Variants in VAV3 observed in about 807,000 individuals in gnomAD.
The protein encoded by VAV3 is vav guanine nucleotide exchange factor 3.
A neutral mutation model predicts 131.2 loss-of-function variants in VAV3; 94 were observed. The observed-to-expected ratio is 0.72, with a 90% CI of 0.61 to 0.85. The LOEUF (loss-of-function observed/expected upper bound fraction) is 0.85, where lower values mean the gene tolerates loss of function less well. Among genes scored for constraint, VAV3 ranks in the 40% least tolerant of loss-of-function variants. The probability of loss-of-function intolerance (pLI) is 0.00; values close to 1 mark genes in which losing one functional copy is unlikely to be tolerated. For missense variants in VAV3, 939 were observed against 1,002.7 expected (o/e 0.94, Z 0.86); for synonymous variants, 349 against 342.0 (o/e 1.02, Z -0.22).
chr1:107,786,718 G>T (rs776661923), intron 2 of VAV3, among the ~76,000 whole-genome samples: 1 of 152,084 alleles, frequency 6.6e-6, no homozygotes, highest in Non-Finnish European at 1.5e-5. Flanking sequence ...TCTAAGAAAG[G>T]ATAGTACACA....
At chr1:107,860,769 A>T (rs953753352) in intron 2 of VAV3, among the ~76,000 whole-genome samples, 1 of 151,780 alleles carries the variant, frequency 6.6e-6, no homozygotes, top group East Asian at 1.9e-4. Flanking sequence ...AGTGGCGTGC[A>T]CTTGCAGTCC....
At chr1:107,911,971 G>A (rs1290847765) in intron 1 of VAV3, among the ~76,000 whole-genome samples, 1 of 152,204 alleles carries the variant, frequency 6.6e-6, no homozygotes, top group African/African-American at 2.4e-5. Flanking sequence ...GTGCCATGAT[G>A]TAGTAATGAC....
intron 2 of VAV3, among the ~76,000 whole-genome samples, chr1:107,822,848 C>A (rs1381670098): frequency 6.6e-6 from 1 of 152,062 alleles, no homozygotes. Context: ...ACATACCAGG[C>A]ACTTTTCTAG....
At chr1:107,788,649 G>T (rs1666138474) in intron 2 of VAV3, among the ~76,000 whole-genome samples, 1 of 152,080 alleles carries the variant, frequency 6.6e-6, no homozygotes, top group Non-Finnish European at 1.5e-5. Context: ...ATAAAACCTG[G>T]AACTCATCCA....
intron 1 of VAV3, among the ~76,000 whole-genome samples, chr1:107,915,174 G>A (rs1672548832): frequency 6.6e-6 from 1 of 152,124 alleles, no homozygotes; most frequent in South Asian, 2.1e-4. Context: ...CCAAAATGTA[G>A]ACTAGTCAGT....
chr1:107,772,656 T>C, intron 5 of VAV3, 79 bp downstream of exon 5: 5 of 1,224,336 alleles, frequency 4.1e-6, no homozygotes, highest in Non-Finnish European at 5.8e-6. Context: ...TCCCAGCAGA[T>C]GTTACATAAA....
chr1:107,886,034 GA>G (rs1422179376), intron 1 of VAV3, among the ~76,000 whole-genome samples: 3 of 152,170 alleles, frequency 2.0e-5, no homozygotes, highest in Non-Finnish European at 4.4e-5. Flanking sequence ...AAGGTCATGA[GA>G]AACAGTATGG....
chr1:107,889,920 A>G (rs1671234145), intron 1 of VAV3, among the ~76,000 whole-genome samples: 1 of 152,232 alleles, frequency 6.6e-6, no homozygotes, highest in South Asian at 2.1e-4. Flanking sequence ...GTCTCAAAGA[A>G]GTAAGACTAA....
intron 17 of VAV3, among the ~76,000 whole-genome samples, chr1:107,698,688 C>T (rs1442543796): frequency 6.6e-6 from 1 of 152,040 alleles, no homozygotes; most frequent in East Asian, 1.9e-4. Context: ...TCTCACACTG[C>T]CAGGAAGAAA....
chr1:107,635,510 A>G (rs1395094115), intron 20 of VAV3, among the ~76,000 whole-genome samples: 4 of 151,624 alleles, frequency 2.6e-5, no homozygotes. Context: ...TAGGAAATAC[A>G]CCTAATGTTA....
intron 15 of VAV3, among the ~76,000 whole-genome samples, chr1:107,706,527 A>G (rs1027129590): frequency 6.6e-6 from 1 of 152,190 alleles, no homozygotes; most frequent in Non-Finnish European, 1.5e-5. Context: ...AGAATTATGG[A>G]CATTTCCATG....
chr1:107,930,650 G>T (rs1215311152), intron 1 of VAV3, among the ~76,000 whole-genome samples: 2 of 152,014 alleles, frequency 1.3e-5, no homozygotes, highest in African/African-American at 4.8e-5. Context: ...CCACCATTTT[G>T]CAAGTCCTAA....
chr1:107,822,468 C>T (rs575853197), intron 2 of VAV3, among the ~76,000 whole-genome samples: 1 of 152,040 alleles, frequency 6.6e-6, no homozygotes, highest in Non-Finnish European at 1.5e-5. Flanking sequence ...TCCTGGCTAA[C>T]ATGGTGAAAT....
At chr1:107,665,895 A>G (rs1439273746) in intron 19 of VAV3, among the ~76,000 whole-genome samples, 3 of 152,228 alleles carry the variant, frequency 2.0e-5, no homozygotes, top group Admixed American at 2.0e-4. Flanking sequence ...TGATGCATAA[A>G]GAAACAAACG....
intron 19 of VAV3, 106 bp downstream of exon 19, chr1:107,683,382 A>G (rs1658782355): frequency 7.6e-7 from 1 of 1,315,344 alleles, no homozygotes. Flanking sequence ...CCAAATTATG[A>G]GGAACAAAGG....
chr1:107,881,559 C>A (rs966883895), intron 1 of VAV3, among the ~76,000 whole-genome samples: 1 of 152,190 alleles, frequency 6.6e-6, no homozygotes, highest in Non-Finnish European at 1.5e-5. Context: ...TGTATTCTAA[C>A]AACAAAGCCA....
intron 2 of VAV3, among the ~76,000 whole-genome samples, chr1:107,793,933 G>A (rs756307509): frequency 7.2e-5 from 11 of 152,216 alleles, no homozygotes; most frequent in African/African-American, 2.4e-4. Flanking sequence ...CTTGACTTGC[G>A]TACTGCTGGA....
At chr1:107,819,131 T>C (rs771263699) in intron 2 of VAV3, among the ~76,000 whole-genome samples, 5 of 152,306 alleles carry the variant, frequency 3.3e-5, no homozygotes, top group East Asian at 1.9e-4. Flanking sequence ...GCAAAATAGA[T>C]TGCCTCCAGG....
At chr1:107,894,828 A>C (rs1174798687) in intron 1 of VAV3, among the ~76,000 whole-genome samples, 1 of 152,220 alleles carries the variant, frequency 6.6e-6, no homozygotes, top group East Asian at 1.9e-4. Context: ...GAGGAGAATA[A>C]ATGCACATTC....
Sources: allele counts gnomAD v4.1 joint callset (sites outside exome capture counted in the v4.1 genomes callset), GRCh38; gene constraint gnomAD v4.1.1; transcripts MANE v1.5; gene names NCBI Gene and HGNC (gene_info 2026-07-23, HGNC 2026-07-21).